The following PCYT2 variants were observed in gnomAD, a reference collection of about 807,000 sequenced individuals.
PCYT2 encodes the protein ethanolamine-phosphate cytidylyltransferase.
Under a neutral mutation model 50.0 loss-of-function variants are expected in PCYT2, and 33 were observed. The observed-to-expected ratio is 0.66, with a 90% CI of 0.50 to 0.88. PCYT2 has a LOEUF of 0.88. PCYT2 is among the 40% of genes least tolerant of loss of function. The pLI, the probability that PCYT2 is intolerant of heterozygous loss-of-function variation, is 0.00. For synonymous variants in PCYT2, 240 were observed against 203.7 expected, an observed-to-expected ratio of 1.18 and a Z score of -1.52; for missense variants, 430 against 519.7, an observed-to-expected ratio of 0.83 and a Z score of 1.68.
At position 81,909,010 on chromosome 17, in the gene PCYT2, G is replaced by A; in HGVS notation, c.206C>T (p.Pro69Leu). The A allele has an allele frequency of 2.5e-6, 4 of 1,613,666 alleles. No homozygotes were observed. Among genetic ancestry groups the A allele is most frequent in the Non-Finnish European group, 2.5e-6 (3 of 1,179,848 alleles). ...DEEIAKHKGP[P>L]VFTQEERYKM... is the part of the protein sequence containing the mutation. ...GTATCTCTCCTCCTGAGTGAACACCGGGGGCCCCTTGTGCTTGGCGATCTC... is the reference window on the plus strand; with the variant it reads ...GTATCTCTCCTCCTGAGTGAACACCAGGGGCCCCTTGTGCTTGGCGATCTC... Residue 69 changes from proline to leucine, a missense_variant, in exon 3 of 13, where the codon CCG (proline) becomes CTG (leucine). Around this residue, in one of 4 missense-constraint regions of PCYT2, gnomAD observed 117 missense variants for 163.9 expected, o/e 0.71. Transcript: ENST00000538936.
intron 1 of PCYT2, among the ~76,000 whole-genome samples, chr17:81,910,195 C>G (rs2040505672): frequency 6.6e-6 from 1 of 152,234 alleles, no homozygotes; most frequent in Admixed American, 6.5e-5. Flanking sequence ...TTTTCATTCA[C>G]AAATCTAGGT....
intron 4 of PCYT2, among the ~76,000 whole-genome samples, chr17:81,908,238 C>T (rs560285605): frequency 1.3e-5 from 2 of 152,358 alleles, no homozygotes; most frequent in South Asian, 4.1e-4. Context: ...GCGGGAGCCA[C>T]TGGCCTCATG....
intron 6 of PCYT2, 118 bp from the exon 7 acceptor site, chr17:81,907,016 G>C: frequency 7.9e-7 from 1 of 1,272,908 alleles, no homozygotes; most frequent in Non-Finnish European, 1.1e-6. Flanking sequence ...CAGTCATCTC[G>C]GGCAGGGGAC....
In PCYT2 at chr17:81,902,629, G is replaced by T. The variant is rs575352070; in HGVS notation, c.*2204C>A. 6.3e-5 allele frequency: 101 copies of T among 1,595,536 alleles called. 1 individual carries two copies. The South Asian group carries it at 1.1e-3, about 17-fold the overall frequency. On this transcript the variant is annotated 3_prime_UTR_variant, in exon 13 of 13. Transcript: ENST00000538936. The stretch of plus-strand genomic sequence containing the variant: ...CTTGCCTGCCCCCCAGGCTGTGTGC[G>T]TCCAGGACGTCGCCCCAAACCTGCA...
In PCYT2 at chr17:81,905,575, GC is replaced by G. The variant is rs930534396; in HGVS notation, c.903+94del. On this transcript the variant is annotated intron_variant, in intron 10 of 12. Transcript: ENST00000538936. ...TTTCCTCAGCCCAGGTACCTCCTGGGCCCCGCCTAGGAGCCCACAGCCAGCC... is the reference window on the plus strand; with the variant it reads ...TTTCCTCAGCCCAGGTACCTCCTGGGCCCGCCTAGGAGCCCACAGCCAGCC... 1.5e-5 allele frequency: 22 copies of G among 1,449,662 alleles called. No homozygotes were observed. The African/African-American group carries it at 2.7e-4, about 17-fold the overall frequency. The allele number at this position is 1,449,662 out of a possible 1,614,324, so 89.8% of individuals were successfully genotyped here. A position where few individuals can be genotyped will look rare whatever the true frequency, so the allele number is the denominator to read the frequency against.
chr17:81,905,359 C>T, intron 11 of PCYT2, 23 bp downstream of exon 11: 1 of 1,549,506 alleles, frequency 6.5e-7, no homozygotes, highest in Non-Finnish European at 8.7e-7. Context: ...CCCCTGTGCC[C>T]AGCAAGGGCC....
At position 81,907,547 on chromosome 17, in the gene PCYT2, C is replaced by T; in HGVS notation, c.537+7G>A. The T allele has an allele frequency of 6.2e-7, 1 of 1,608,140 alleles. No homozygotes were observed. Among genetic ancestry groups the T allele is most frequent in the East Asian group, 2.2e-5 (1 of 44,668 alleles). ...GTGCTCAGCTCTCCCTGCACAGCCG[C>T]ACTCACCTTGCCAAAACTGTCTGCA... On this transcript the variant is annotated splice_region_variant and intron_variant, in intron 6 of 12. Coordinates refer to ENST00000538936, the MANE Select transcript of PCYT2 (RefSeq NM_002861.5).
At chr17:81,908,666 T>A (rs2040412998) in intron 3 of PCYT2, 32 bp from the exon 4 acceptor site, 12 of 1,580,568 alleles carry the variant, frequency 7.6e-6, no homozygotes, top group African/African-American at 1.3e-5. Context: ...CAAGGATCCT[T>A]AACCCAAAGC....
At chr17:81,908,826 C>T in intron 3 of PCYT2, 50 bp downstream of exon 3, 1 of 1,549,786 alleles carries the variant, frequency 6.5e-7, no homozygotes, top group South Asian at 1.1e-5. Flanking sequence ...AGATCTGATC[C>T]TGAGCCACCT....
In PCYT2 at chr17:81,911,349, G is replaced by A. The variant is rs1472871193; in HGVS notation, c.7C>T (p.Arg3Trp). Residue 3 changes from arginine (R) to tryptophan (W), a missense_variant, in exon 1 of 13, where the codon CGG (arginine) becomes TGG (tryptophan). Around this residue, in one of 4 missense-constraint regions of PCYT2, gnomAD observed 63 missense variants for 37.5 expected, o/e 1.68. Coordinates refer to ENST00000538936, the MANE Select transcript of PCYT2 (RefSeq NM_002861.5). MIRNGRGAAGGAE... is the reference protein window; with the variant it reads MIWNGRGAAGGAE... The stretch of plus-strand genomic sequence containing the variant: ...CCGCCTGCAGCCCCGCGCCCGTTCC[G>A]GATCATGGCCCCGCAGCGGCGGCGC... 5.6e-6 allele frequency: 6 copies of A among 1,075,446 alleles called. No homozygotes were observed. Among genetic ancestry groups the A allele is most frequent in the Non-Finnish European group, 4.5e-6 (4 of 885,462 alleles). 66.6% of individuals were successfully genotyped at this position (1,075,446 alleles called of 1,614,324 possible). A position where few individuals can be genotyped will look rare whatever the true frequency, so the allele number is the denominator to read the frequency against.
chr17:81,909,285 C>A (rs2040449046), intron 2 of PCYT2: 1 of 1,429,920 alleles, frequency 7.0e-7, no homozygotes, highest in Non-Finnish European at 9.1e-7. Flanking sequence ...GGGAGCCTCG[C>A]TGGCAGTGGT....
intron 6 of PCYT2, 192 bp from the exon 7 acceptor site, chr17:81,907,090 A>G (rs1287431139): frequency 1.8e-6 from 2 of 1,083,462 alleles, no homozygotes; most frequent in Admixed American, 5.3e-5. Flanking sequence ...CAGGCACCGC[A>G]GCAGACACCA....
chr17:81,909,222 A>G, intron 2 of PCYT2, 185 bp from the exon 3 acceptor site: 1 of 1,432,428 alleles, frequency 7.0e-7, no homozygotes, highest in Non-Finnish European at 9.1e-7. Context: ...CGAGGGTCTC[A>G]GGCAAAGGCA....
At chr17:81,910,315 A>T (rs1274880499) in intron 1 of PCYT2, among the ~76,000 whole-genome samples, 1 of 152,172 alleles carries the variant, frequency 6.6e-6, no homozygotes, top group Non-Finnish European at 1.5e-5. Flanking sequence ...CATCCCCTCA[A>T]GTGGACAAAG....
Position 81,906,076 on chromosome 17 carries a change from G to T in PCYT2, c.837+24C>A, listed in dbSNP as rs374790289. On this transcript the variant is annotated intron_variant, in intron 9 of 12. Transcript: ENST00000538936. ...TTGTGGGAATGTCTCCCCATCCTTG[G>T]GCTGGCTCCTGGCCCCCACTCACCC... The T allele has an allele frequency of 4.4e-6, 7 of 1,594,054 alleles. No homozygotes were observed. In the African/African-American group the frequency reaches 9.4e-5, roughly 21 times the overall value.
chr17:81,904,972 G>A (rs763034365), intron 12 of PCYT2, 28 bp from the exon 13 acceptor site: 3 of 1,596,220 alleles, frequency 1.9e-6, no homozygotes, highest in Non-Finnish European at 1.7e-6. Flanking sequence ...GTCTAGCAGA[G>A]AGCGCCCATG....
In PCYT2 at chr17:81,902,090, C is replaced by G. The variant is rs2039971710; in HGVS notation, c.*2743G>C. The G allele has an allele frequency of 2.5e-6, 1 of 398,490 alleles. No individual in the cohort carries two copies. Among genetic ancestry groups the G allele is most frequent in the South Asian group, 1.2e-4 (1 of 8,120 alleles). 24.7% of individuals were successfully genotyped at this position (398,490 alleles called of 1,614,324 possible). A position where few individuals can be genotyped will look rare whatever the true frequency, so the allele number is the denominator to read the frequency against. On this transcript the variant is annotated 3_prime_UTR_variant, in exon 13 of 13. Transcript: ENST00000538936. Reference sequence around the variant, plus strand: ...CTTGCGCGCCTCCAGCGCTCGCCCGCGCGGCTGGTTCCTTTGGGATGCGGA... The same window carrying G: ...CTTGCGCGCCTCCAGCGCTCGCCCGGGCGGCTGGTTCCTTTGGGATGCGGA...
In PCYT2 at chr17:81,910,569, C is replaced by G. The variant is rs559387626; in HGVS notation, c.89+698G>C. On this transcript the variant is annotated intron_variant, in intron 1 of 12. Transcript: ENST00000538936. ...GGCTGGGGCCTGGTCAGGGCAAGGT[C>G]AAAGTCCACTGACACAAAGCCACAT... 1.5e-3 allele frequency among the ~76,000 whole-genome samples: 224 copies of G among 152,308 alleles called. 1 individual carries two copies. The highest frequency in any genetic ancestry group is 2.5e-3 in the Non-Finnish European group (168 of 68,022).
In PCYT2 at chr17:81,901,935, A is replaced by G. The variant is rs544880186; in HGVS notation, c.*2898T>C. On this transcript the variant is annotated 3_prime_UTR_variant, in exon 13 of 13. Coordinates refer to ENST00000538936, the MANE Select transcript of PCYT2 (RefSeq NM_002861.5). ...AGTACTGGGGATTGCCTGGGGGACG[A>G]CTCCTAGGGCTGGGCGCCCGTGGGC... 6.5e-4 allele frequency: 121 copies of G among 184,982 alleles called. No individual in the cohort carries two copies. The highest frequency in any genetic ancestry group is 2.8e-3 in the African/African-American group (119 of 42,080). The allele number at this position is 184,982 out of a possible 1,614,324, so 11.5% of individuals were successfully genotyped here.
Sources: allele counts gnomAD v4.1 joint callset (sites outside exome capture counted in the v4.1 genomes callset), GRCh38; gene constraint gnomAD v4.1.1; regional missense constraint gnomAD v4.1.1; transcripts MANE v1.5; gene names NCBI Gene and HGNC (gene_info 2026-07-23, HGNC 2026-07-21).